TRIO: variants seen among roughly 807,000 people sequenced by gnomAD.
The protein encoded by TRIO is trio Rho guanine nucleotide exchange factor.
Under a neutral mutation model 351.9 loss-of-function variants are expected in TRIO, and 58 were observed. The ratio of observed to expected loss-of-function variants is 0.16; its 90% CI spans 0.13 to 0.21. TRIO has a LOEUF of 0.21. TRIO is among the 10% of genes least tolerant of loss of function. The pLI is 1.00. For missense variants in TRIO, 3,201 were observed against 4,027.8 expected, an observed-to-expected ratio of 0.79 and a Z score of 5.56; for synonymous variants, 1,758 against 1,595.7, an observed-to-expected ratio of 1.10 and a Z score of -2.42.
At chr5:14,254,364 G>A (rs543983448) in intron 1 of TRIO, among the ~76,000 whole-genome samples, 59 of 152,276 alleles carry the variant, frequency 3.9e-4, no homozygotes, top group Admixed American at 9.2e-4. Context: ...TAGAGACGGG[G>A]TTTCACCATG....
chr5:14,369,879 C>T (rs1744927741), intron 18 of TRIO, among the ~76,000 whole-genome samples: 1 of 152,166 alleles, frequency 6.6e-6, no homozygotes, highest in African/African-American at 2.4e-5. Context: ...CCTTTGGAGA[C>T]TCAGCCTCCT....
At chr5:14,363,986 C>G (rs1011818148) in intron 14 of TRIO, 59 bp downstream of exon 14, 116 of 1,530,608 alleles carry the variant, frequency 7.6e-5, no homozygotes, top group Middle Eastern at 7.4e-4. Flanking sequence ...CATGGCAATT[C>G]GGCTTATTTC....
intron 33 of TRIO, among the ~76,000 whole-genome samples, chr5:14,412,296 G>A (rs1453520992): frequency 3.3e-5 from 5 of 152,120 alleles, no homozygotes; most frequent in Non-Finnish European, 7.4e-5. Flanking sequence ...CCACGGTTCC[G>A]TGTATTTTAA....
intron 1 of TRIO, among the ~76,000 whole-genome samples, chr5:14,199,391 T>C (rs1326090433): frequency 6.6e-6 from 1 of 152,210 alleles, no homozygotes; most frequent in Admixed American, 6.5e-5. Context: ...ATGGTAGCTT[T>C]CTTTCAAAAG....
intron 34 of TRIO, among the ~76,000 whole-genome samples, chr5:14,453,430 A>G (rs1212045466): frequency 6.6e-6 from 1 of 152,206 alleles, no homozygotes; most frequent in East Asian, 1.9e-4. Context: ...TACAAATCTA[A>G]TTGTGATGAA....
intron 37 of TRIO, 111 bp downstream of exon 37, chr5:14,465,751 C>T: frequency 8.2e-7 from 1 of 1,218,216 alleles, no homozygotes; most frequent in Middle Eastern, 1.9e-4. Context: ...GTGGCTGTGG[C>T]TTATGGCACA....
intron 34 of TRIO, among the ~76,000 whole-genome samples, chr5:14,438,271 G>A (rs889162269): frequency 1.3e-5 from 2 of 151,886 alleles, no homozygotes; most frequent in Non-Finnish European, 2.9e-5. Context: ...ATTCCTTTTC[G>A]AGGTCCTGTT....
chr5:14,304,392 T>C, intron 7 of TRIO, 69 bp from the exon 8 acceptor site: 3 of 1,506,868 alleles, frequency 2.0e-6, no homozygotes, highest in Non-Finnish European at 2.7e-6. Context: ...TTCAAAACCA[T>C]GTTAAAAAAT....
chr5:14,210,901 C>T (rs1180494321), intron 1 of TRIO, among the ~76,000 whole-genome samples: 2 of 151,888 alleles, frequency 1.3e-5, no homozygotes, highest in East Asian at 3.9e-4. Flanking sequence ...CTCCCTTCCT[C>T]CTTTCACCCT....
At chr5:14,364,045 G>A (rs1744385054) in intron 14 of TRIO, 118 bp downstream of exon 14, 2 of 960,390 alleles carry the variant, frequency 2.1e-6, no homozygotes, top group East Asian at 2.6e-5. Flanking sequence ...AGGTATTATA[G>A]ATACCTGTTC....
intron 11 of TRIO, among the ~76,000 whole-genome samples, chr5:14,337,725 G>A (rs1041155256): frequency 6.6e-6 from 1 of 152,230 alleles, no homozygotes; most frequent in Non-Finnish European, 1.5e-5. Context: ...TGAGATCTTG[G>A]ACAGTTAGTC....
intron 1 of TRIO, among the ~76,000 whole-genome samples, chr5:14,240,714 A>G (rs746070598): frequency 3.9e-5 from 6 of 152,306 alleles, no homozygotes; most frequent in Non-Finnish European, 8.8e-5. Flanking sequence ...TTCAGACAAG[A>G]CGGACTACTT....
intron 8 of TRIO, among the ~76,000 whole-genome samples, 194 bp from the exon 9 acceptor site, chr5:14,316,319 T>A (rs1017540844): frequency 4.6e-5 from 7 of 152,252 alleles, no homozygotes; most frequent in Non-Finnish European, 1.0e-4. Flanking sequence ...TGGATTGTTT[T>A]AAATTTTATC....
At chr5:14,204,746 G>A (rs116342754) in intron 1 of TRIO, among the ~76,000 whole-genome samples, 268 of 152,254 alleles carry the variant, frequency 1.8e-3, no homozygotes, top group African/African-American at 6.2e-3. Flanking sequence ...TTAACCTAAG[G>A]ATATAGGAGC....
chr5:14,358,490 G>C (rs771170453), intron 12 of TRIO, 143 bp downstream of exon 12: 38 of 845,596 alleles, frequency 4.5e-5, no homozygotes, highest in African/African-American at 1.0e-4. Context: ...AGGCAAAGGA[G>C]AGAGAAACGG....
chr5:14,360,624 A>T (rs923986425), intron 13 of TRIO, among the ~76,000 whole-genome samples: 3 of 152,248 alleles, frequency 2.0e-5, no homozygotes, highest in Admixed American at 6.5e-5. Flanking sequence ...GCCTGCCCTC[A>T]GTCACCTCGG....
intron 33 of TRIO, among the ~76,000 whole-genome samples, chr5:14,409,572 C>T (rs1004779531): frequency 6.6e-5 from 10 of 152,008 alleles, no homozygotes; most frequent in Middle Eastern, 3.4e-3. Context: ...CGGTGGCTCA[C>T]GCCTGTAATC....
chr5:14,392,166 G>C (rs949615455), intron 27 of TRIO, among the ~76,000 whole-genome samples: 1 of 151,728 alleles, frequency 6.6e-6, no homozygotes, highest in Admixed American at 6.6e-5. Flanking sequence ...AGAATGGGAG[G>C]AAATTTTTGC....
intron 55 of TRIO, among the ~76,000 whole-genome samples, chr5:14,505,082 C>T (rs569965889): frequency 1.9e-4 from 29 of 152,362 alleles, no homozygotes; most frequent in South Asian, 8.3e-4. Flanking sequence ...GAAGAGGGGG[C>T]GCGGGCACAC....
Sources: allele counts gnomAD v4.1 joint callset (sites outside exome capture counted in the v4.1 genomes callset), GRCh38; gene constraint gnomAD v4.1.1; transcripts MANE v1.5; gene names NCBI Gene and HGNC (gene_info 2026-07-23, HGNC 2026-07-21).